LYPLAL1: variants seen among roughly 807,000 people sequenced by gnomAD.
LYPLAL1 encodes lysophospholipase-like protein 1.
In LYPLAL1, 23 loss-of-function variants were observed where a neutral mutation model predicts 19.7. The observed-to-expected ratio is 1.17, with a 90% CI of 0.84 to 1.65. The LOEUF is 1.65. Ranked by LOEUF, LYPLAL1 falls within the 40% of genes most tolerant of loss-of-function variation. The probability of loss-of-function intolerance (pLI) is 0.00; values close to 1 mark genes in which losing one functional copy is unlikely to be tolerated. For synonymous variants in LYPLAL1, 119 were observed against 96.3 expected, an observed-to-expected ratio of 1.24 and a Z score of -1.38; for missense variants, 355 against 279.4, an observed-to-expected ratio of 1.27 and a Z score of -1.93.
chr1:219,400,060 C>A, the LYPLAL1 span, among the ~76,000 whole-genome samples: 948 of 152,228 alleles, frequency 6.2e-3, 6 homozygotes, highest in Non-Finnish European at 7.0e-3. Context: ...TTGCTTCTTG[C>A]CAGTTCCACT....
the LYPLAL1 span, among the ~76,000 whole-genome samples, chr1:219,382,550 G>A: frequency 1.3e-5 from 2 of 152,110 alleles, no homozygotes; most frequent in Non-Finnish European, 2.9e-5. Flanking sequence ...TTTCAGTAGA[G>A]ACAGGGTTTC....
At chr1:219,240,563 C>A in the LYPLAL1 span, among the ~76,000 whole-genome samples, 2 of 152,160 alleles carry the variant, frequency 1.3e-5, no homozygotes, top group East Asian at 1.9e-4. Context: ...TTAAGCAGAA[C>A]TATAATATCA....
In LYPLAL1 at chr1:219,193,111, C is replaced by G. The variant is rs771361452; in HGVS notation, c.221C>G (p.Ser74Cys). 17 of 1,600,664 alleles carry G rather than the reference C, an allele frequency of 1.1e-5. No individual in the cohort carries two copies. The South Asian group carries it at 1.8e-4, about 17-fold the overall frequency. The change falls in exon 3 of 5, where the codon TCC becomes TGC. Residue 74 changes from serine (S) to cysteine (C), a missense_variant. Ser to Cys is a moderately radical substitution (Grantham distance 112). Transcript: ENST00000366928. ...RSYTPMKGGI[S>C]NVWFDRFKIT... ...TATACTCCTATGAAAGGAGGAATCT[C>G]CAATGTATGGTTTGACAGATTTAAA...
At chr1:219,402,839 A>C in the LYPLAL1 span, among the ~76,000 whole-genome samples, 1 of 152,174 alleles carries the variant, frequency 6.6e-6, no homozygotes, top group Non-Finnish European at 1.5e-5. Flanking sequence ...GGTAGAGAGA[A>C]AAAACCTAAG....
At chr1:219,259,581 G>A in the LYPLAL1 span, among the ~76,000 whole-genome samples, 1 of 151,598 alleles carries the variant, frequency 6.6e-6, no homozygotes, top group South Asian at 2.1e-4. Context: ...ATAAGTGGGA[G>A]CTAAGCTACA....
At chr1:219,337,437 TA>T in the LYPLAL1 span, among the ~76,000 whole-genome samples, 1 of 152,024 alleles carries the variant, frequency 6.6e-6, no homozygotes, top group Non-Finnish European at 1.5e-5. Flanking sequence ...GTGTAACCCA[TA>T]AAACAAATAT....
chr1:219,384,170 T>C, the LYPLAL1 span, among the ~76,000 whole-genome samples: 3 of 152,230 alleles, frequency 2.0e-5, no homozygotes, highest in African/African-American at 7.2e-5. Flanking sequence ...CAAATTCTTG[T>C]GATTCATTTA....
At chr1:219,348,336 C>T in the LYPLAL1 span, among the ~76,000 whole-genome samples, 3 of 152,152 alleles carry the variant, frequency 2.0e-5, no homozygotes, top group South Asian at 2.1e-4. Flanking sequence ...CACCGGCCAA[C>T]GTGGGAGCAA....
downstream of LYPLAL1, among the ~76,000 whole-genome samples, chr1:219,216,499 A>G (rs114726481): frequency 0.012 from 1,767 of 152,246 alleles, 14 homozygotes; most frequent in Non-Finnish European, 0.019. Flanking sequence ...CACACTACTC[A>G]AGCAATACAT....
chr1:219,302,200 C>A, the LYPLAL1 span, among the ~76,000 whole-genome samples: 2 of 152,160 alleles, frequency 1.3e-5, no homozygotes, highest in Non-Finnish European at 2.9e-5. Context: ...TTTGTACTTA[C>A]CTCAGCTCAG....
chr1:219,422,348 G>C, the LYPLAL1 span, among the ~76,000 whole-genome samples: 2 of 152,174 alleles, frequency 1.3e-5, no homozygotes, highest in African/African-American at 4.8e-5. Flanking sequence ...ACCAGCCCCT[G>C]ATCTACAGAA....
downstream of LYPLAL1, among the ~76,000 whole-genome samples, chr1:219,217,835 G>C (rs142095624): frequency 1.3e-5 from 2 of 152,148 alleles, no homozygotes; most frequent in African/African-American, 4.8e-5. Context: ...AAGTAGCCAT[G>C]ATACTTTCTT....
the LYPLAL1 span, among the ~76,000 whole-genome samples, chr1:219,318,004 C>T: frequency 6.6e-6 from 1 of 152,192 alleles, no homozygotes; most frequent in Non-Finnish European, 1.5e-5. Flanking sequence ...CCAGGCTCTT[C>T]ACTCTTGGGT....
the LYPLAL1 span, chr1:219,409,982 T>A: frequency 6.6e-6 from 1 of 152,370 alleles, no homozygotes; most frequent in East Asian, 1.9e-4. Context: ...GTACCGTTTT[T>A]CATTTTTACT....
chr1:219,343,626 C>T, the LYPLAL1 span, among the ~76,000 whole-genome samples: 1 of 152,094 alleles, frequency 6.6e-6, no homozygotes, highest in Non-Finnish European at 1.5e-5. Flanking sequence ...CTGGGATAGA[C>T]CTCCATGGCT....
chr1:219,359,668 A>G, the LYPLAL1 span, among the ~76,000 whole-genome samples: 1 of 152,148 alleles, frequency 6.6e-6, no homozygotes, highest in East Asian at 1.9e-4. Context: ...TTATGCAGAG[A>G]AAAAAATCTA....
chr1:219,382,598 G>A, the LYPLAL1 span, among the ~76,000 whole-genome samples: 2 of 151,980 alleles, frequency 1.3e-5, no homozygotes. Flanking sequence ...TCCTGACCTC[G>A]TGATCCACCA....
the LYPLAL1 span, chr1:219,435,274 G>A: frequency 1.3e-5 from 2 of 152,124 alleles, no homozygotes; most frequent in African/African-American, 4.8e-5. Context: ...GTGGTCCAGC[G>A]ACTCAGTCAT....
chr1:219,223,175 A>G, the LYPLAL1 span: 1 of 151,898 alleles, frequency 6.6e-6, no homozygotes, highest in African/African-American at 2.4e-5. Flanking sequence ...GAGGTGGACC[A>G]AGCTTTTCCC....
Sources: gnomAD v4.1 joint callset for allele counts (sites outside exome capture counted in the v4.1 genomes callset) on GRCh38, gnomAD v4.1.1 for gene constraint, MANE v1.5 for transcripts, NCBI Gene and HGNC (gene_info 2026-07-23, HGNC 2026-07-21) for gene names.